Variants in ANKRD30A observed in about 807,000 individuals in gnomAD.
ANKRD30A encodes the protein ankyrin repeat domain 30A.
A neutral mutation model predicts 166.3 loss-of-function variants in ANKRD30A; 170 were observed. The observed-to-expected ratio is 1.02, with a 90% CI of 0.90 to 1.16. The LOEUF (loss-of-function observed/expected upper bound fraction) is 1.16, where lower values mean the gene tolerates loss of function less well. Among genes scored for constraint, ANKRD30A ranks in the 50% most tolerant of loss-of-function variants. The probability of loss-of-function intolerance (pLI) is 0.00; values close to 1 mark genes in which losing one functional copy is unlikely to be tolerated. For synonymous variants in ANKRD30A, 564 were observed against 508.9 expected (o/e 1.11, Z -1.46); for missense variants, 1,630 against 1,518.0 (o/e 1.07, Z -1.23).
At chr10:37,253,386 T>C in the ANKRD30A span, among the ~76,000 whole-genome samples, 1 of 152,228 alleles carries the variant, frequency 6.6e-6, no homozygotes, top group Non-Finnish European at 1.5e-5. Context: ...TGTACAATTG[T>C]ATAGTTTTTT....
intron 11 of ANKRD30A, 103 bp from the exon 12 acceptor site, chr10:37,151,957 G>T: frequency 9.4e-7 from 1 of 1,059,820 alleles, no homozygotes; most frequent in Non-Finnish European, 1.4e-6. Flanking sequence ...GGGCCACAGA[G>T]GAAAAACCAC....
At chr10:37,161,231 GT>G (rs1838837521) in intron 15 of ANKRD30A, among the ~76,000 whole-genome samples, 1 of 152,182 alleles carries the variant, frequency 6.6e-6, no homozygotes, top group South Asian at 2.1e-4. Flanking sequence ...AAGAAGAGCA[GT>G]TGGATAGAAG....
chr10:37,215,014 C>T (rs545173213), intron 31 of ANKRD30A, among the ~76,000 whole-genome samples: 36 of 151,632 alleles, frequency 2.4e-4, no homozygotes, highest in African/African-American at 8.4e-4. Flanking sequence ...CATATCTACT[C>T]AGTGTAGCTT....
chr10:37,247,407 ATTTATTATAAAAATGGTATTTTATT>A, the ANKRD30A span, among the ~76,000 whole-genome samples: 1 of 152,082 alleles, frequency 6.6e-6, no homozygotes, highest in Non-Finnish European at 1.5e-5. Context: ...TCTTATAGTG[ATTTATTATAAAAATGGTATTTTATT>A]TTCTTTTTTT....
the ANKRD30A span, among the ~76,000 whole-genome samples, chr10:37,243,560 T>C: frequency 6.6e-6 from 1 of 152,096 alleles, no homozygotes; most frequent in Non-Finnish European, 1.5e-5. Context: ...CAGTAACCTG[T>C]CTCCTTTCAT....
Position 37,219,485 on chromosome 10 carries a change from G to A in ANKRD30A, c.3773G>A (p.Arg1258Lys). The part of the protein sequence containing the change: ...VLHQPLSEAQ[R>K]KSKSLKINLN... Reference sequence around the variant, plus strand: ...CATCAACCACTTTCTGAAGCTCAAAGGAAATCCAAAAGCCTAAAAATTAAT... The same window carrying A: ...CATCAACCACTTTCTGAAGCTCAAAAGAAATCCAAAAGCCTAAAAATTAAT... Residue 1258 changes from arginine (R) to lysine (K), a missense_variant, in exon 34 of 36, where the codon AGG becomes AAG. Transcript: ENST00000361713. 6.2e-7 allele frequency: 1 copy of A among 1,610,138 alleles called. No individual in the cohort carries two copies. The highest frequency in any genetic ancestry group is 8.5e-7 in the Non-Finnish European group (1 of 1,177,586).
intron 34 of ANKRD30A, among the ~76,000 whole-genome samples, chr10:37,225,147 TATATAA>T (rs1297216159): frequency 6.6e-6 from 1 of 151,078 alleles, no homozygotes; most frequent in East Asian, 1.9e-4. Flanking sequence ...TAATAGTTTA[TATATAA>T]AAACTATATA....
rs759835090 is a variant in ANKRD30A at position 37,142,052 on chromosome 10, G to A, written c.1155G>A (p.Trp385Ter). 6 of 1,612,932 alleles carry A rather than the reference G, an allele frequency of 3.7e-6. No homozygotes were observed. In the East Asian group the frequency reaches 1.1e-4, roughly 30 times the overall value. ...PAKGRPRKIA[W>*]EKKEDTPREI... ...AAGGAAGACCTAGGAAGATCGCATGGGAGAAAAAAGAAGACACACCTAGGG... is the reference window on the plus strand; with the variant it reads ...AAGGAAGACCTAGGAAGATCGCATGAGAGAAAAAAGAAGACACACCTAGGG... Residue 385 changes from tryptophan (W) to a stop codon, truncating the protein, a stop_gained, in exon 7 of 36, where the codon TGG becomes TGA. Coordinates refer to ENST00000361713, the MANE Select transcript of ANKRD30A (RefSeq NM_052997.3). LOFTEE classifies it high-confidence loss of function.
At chr10:37,265,506 T>C in the ANKRD30A span, among the ~76,000 whole-genome samples, 2 of 152,170 alleles carry the variant, frequency 1.3e-5, no homozygotes, top group African/African-American at 2.4e-5. Context: ...ACACAGCCAG[T>C]CTTCCCACTT....
the ANKRD30A span, among the ~76,000 whole-genome samples, chr10:37,246,670 G>A: frequency 3.2e-4 from 48 of 152,242 alleles, no homozygotes; most frequent in African/African-American, 1.0e-3. Flanking sequence ...TAGTGCCTGT[G>A]GTAGATCTGT....
intron 12 of ANKRD30A, 125 bp downstream of exon 12, chr10:37,152,246 T>C: frequency 1.3e-6 from 1 of 786,780 alleles, no homozygotes; most frequent in South Asian, 1.6e-5. Context: ...TTGATATTTT[T>C]CAGAATATGC....
chr10:37,225,364 C>G (rs566152138), intron 34 of ANKRD30A, among the ~76,000 whole-genome samples: 10 of 151,724 alleles, frequency 6.6e-5, no homozygotes, highest in African/African-American at 2.4e-4. Flanking sequence ...TAGTCTGAAA[C>G]ATTTTGACTT....
chr10:37,229,433 G>A (rs1017916962), intron 34 of ANKRD30A, among the ~76,000 whole-genome samples: 4 of 151,916 alleles, frequency 2.6e-5, no homozygotes, highest in Non-Finnish European at 5.9e-5. Flanking sequence ...TGTATGCAAT[G>A]TGTAATGCTC....
intron 34 of ANKRD30A, among the ~76,000 whole-genome samples, chr10:37,230,005 A>G (rs913909267): frequency 6.6e-6 from 1 of 151,896 alleles, no homozygotes; most frequent in Non-Finnish European, 1.5e-5. Flanking sequence ...TTGTTACTGT[A>G]CTTTTAATTT....
In ANKRD30A at chr10:37,129,977, T is replaced by G; in HGVS notation, c.306T>G (p.Leu102=). Residue 102 remains leucine (L), a synonymous_variant, in exon 2 of 36, where the codon CTT becomes CTG. Transcript: ENST00000361713. ...LVDRKCQLDV[L]DGEHRTPLMK... Reference sequence around the variant, plus strand: ...ACAGAAAGTGCCAGCTTGACGTCCTTGATGGCGAACACAGGACACCTCTGA... The same window carrying G: ...ACAGAAAGTGCCAGCTTGACGTCCTGGATGGCGAACACAGGACACCTCTGA... 1.3e-6 allele frequency: 2 copies of G among 1,578,100 alleles called. No individual in the cohort carries two copies. Among genetic ancestry groups the G allele is most frequent in the Non-Finnish European group, 1.7e-6 (2 of 1,159,922 alleles).
intron 31 of ANKRD30A, among the ~76,000 whole-genome samples, chr10:37,214,355 A>T (rs1374401696): frequency 6.6e-6 from 1 of 151,498 alleles, no homozygotes; most frequent in South Asian, 2.1e-4. Context: ...ATCCATTCTG[A>T]CAATCTGCTT....
At chr10:37,239,002 T>G in the ANKRD30A span, among the ~76,000 whole-genome samples, 2 of 152,236 alleles carry the variant, frequency 1.3e-5, no homozygotes, top group Non-Finnish European at 2.9e-5. Context: ...AAGTATCATA[T>G]TATCATTGGT....
chr10:37,196,572 C>T (rs1468464672), intron 27 of ANKRD30A, among the ~76,000 whole-genome samples: 4 of 152,034 alleles, frequency 2.6e-5, no homozygotes, highest in Admixed American at 2.6e-4. Context: ...ATTGTGGTGA[C>T]TTAACAATTA....
At chr10:37,127,569 A>C (rs534687239) in intron 1 of ANKRD30A, among the ~76,000 whole-genome samples, 24 of 152,212 alleles carry the variant, frequency 1.6e-4, no homozygotes, top group Non-Finnish European at 2.9e-4. Context: ...GAATTCACTC[A>C]AATCAACAAA....
Sources: gnomAD v4.1 joint callset for allele counts (sites outside exome capture counted in the v4.1 genomes callset) on GRCh38, gnomAD v4.1.1 for gene constraint, MANE v1.5 for transcripts, NCBI Gene and HGNC (gene_info 2026-07-23, HGNC 2026-07-21) for gene names.